INTS9: variants seen among roughly 807,000 people sequenced by gnomAD.
INTS9 encodes integrator complex subunit 9, also known as protein related to CPSF subunits of 74 kDa.
Under a neutral mutation model 79.7 loss-of-function variants are expected in INTS9, and 55 were observed. That is an observed-to-expected ratio of 0.69 (90% CI 0.56 to 0.86). The LOEUF is 0.86. Ranked by LOEUF, INTS9 falls within the 40% of genes least tolerant of loss-of-function variation. The probability of loss-of-function intolerance (pLI) is 0.00; values close to 1 mark genes in which losing one functional copy is unlikely to be tolerated. For missense variants in INTS9, 721 were observed against 831.5 expected, an observed-to-expected ratio of 0.87 and a Z score of 1.64; for synonymous variants, 319 against 325.2, an observed-to-expected ratio of 0.98 and a Z score of 0.20.
chr8:28,769,028 G>A (rs190162640), intron 16 of INTS9, among the ~76,000 whole-genome samples: 1 of 152,298 alleles, frequency 6.6e-6, no homozygotes, highest in Admixed American at 6.5e-5. Flanking sequence ...TCCAGCTTGA[G>A]GCCCATTAAC....
In INTS9 at chr8:28,796,566, C is replaced by T. The variant is rs1280587375; in HGVS notation, c.834G>A (p.Val278=). The change falls in exon 9 of 17, where the codon GTG becomes GTA. Residue 278 remains valine (V), a synonymous_variant. Coordinates refer to ENST00000521022, the MANE Select transcript of INTS9 (RefSeq NM_018250.4). ...QIPTANPDGM[V]GEFCSNLALT... Reference sequence around the variant, plus strand: ...CACCTAGGTTGCTGCAGAACTCTCCCACCATTCCATCTGGGTTTGCAGTGG... The same window carrying T: ...CACCTAGGTTGCTGCAGAACTCTCCTACCATTCCATCTGGGTTTGCAGTGG... 1.9e-6 allele frequency: 3 copies of T among 1,612,348 alleles called. No individual in the cohort carries two copies. The highest frequency in any genetic ancestry group is 1.7e-5 in the Admixed American group (1 of 60,026).
intron 1 of INTS9, among the ~76,000 whole-genome samples, chr8:28,886,816 T>A (rs1017577656): frequency 5.3e-5 from 8 of 152,220 alleles, no homozygotes; most frequent in African/African-American, 1.9e-4. Flanking sequence ...TACTGTCACC[T>A]GGATCAAAGG....
intron 8 of INTS9, among the ~76,000 whole-genome samples, chr8:28,800,722 T>C (rs1481138587): frequency 6.6e-6 from 1 of 152,212 alleles, no homozygotes; most frequent in African/African-American, 2.4e-5. Flanking sequence ...CCCCCTATTA[T>C]AACATCTGTA....
At chr8:28,874,676 TAA>T (rs1270124284) in intron 1 of INTS9, among the ~76,000 whole-genome samples, 1 of 152,168 alleles carries the variant, frequency 6.6e-6, no homozygotes, top group Non-Finnish European at 1.5e-5. Context: ...TCTAAACCAC[TAA>T]GTCTTGTAGT....
intron 8 of INTS9, among the ~76,000 whole-genome samples, chr8:28,801,353 G>A (rs919818845): frequency 4.6e-5 from 7 of 152,020 alleles, no homozygotes; most frequent in Non-Finnish European, 8.8e-5. Flanking sequence ...AGCCTGGCAT[G>A]GTGGTGTGCG....
chr8:28,878,715 C>T (rs1563316437), intron 1 of INTS9, among the ~76,000 whole-genome samples: 1 of 151,258 alleles, frequency 6.6e-6, no homozygotes, highest in Non-Finnish European at 1.5e-5. Context: ...CGGTGGCTCA[C>T]GCCTATAATC....
chr8:28,870,697 G>A (rs1400177370), intron 1 of INTS9, among the ~76,000 whole-genome samples: 2 of 152,188 alleles, frequency 1.3e-5, no homozygotes, highest in Admixed American at 6.5e-5. Flanking sequence ...ATAAAGCATA[G>A]AGCAGAAATA....
chr8:28,817,514 A>G (rs1805563031), intron 6 of INTS9, among the ~76,000 whole-genome samples: 1 of 152,132 alleles, frequency 6.6e-6, no homozygotes. Context: ...ATTGATCTAT[A>G]TCTCTGTTTT....
chr8:28,881,737 C>T (rs1214967730), intron 1 of INTS9, among the ~76,000 whole-genome samples: 31 of 136,246 alleles, frequency 2.3e-4, no homozygotes, highest in Middle Eastern at 3.9e-3. Context: ...CCGGCCGCCC[C>T]GTCCGGGAGG....
At chr8:28,801,196 A>G (rs1366819814) in intron 8 of INTS9, among the ~76,000 whole-genome samples, 4 of 152,248 alleles carry the variant, frequency 2.6e-5, no homozygotes, top group African/African-American at 9.6e-5. Context: ...AGTTCTTAAA[A>G]ATTTGATTCG....
intron 6 of INTS9, among the ~76,000 whole-genome samples, chr8:28,827,578 G>GT (rs1806226377): frequency 6.6e-6 from 1 of 152,142 alleles, no homozygotes; most frequent in South Asian, 2.1e-4. Context: ...GGGGGCTAGG[G>GT]TAGACTGGGC....
intron 1 of INTS9, among the ~76,000 whole-genome samples, chr8:28,874,008 G>A (rs756245991): frequency 4.6e-5 from 7 of 152,164 alleles, no homozygotes; most frequent in South Asian, 2.1e-4. Context: ...TACTGCTTCC[G>A]AGGTCTTCTG....
At chr8:28,863,005 G>A (rs935827644) in intron 1 of INTS9, among the ~76,000 whole-genome samples, 1 of 152,168 alleles carries the variant, frequency 6.6e-6, no homozygotes, top group Non-Finnish European at 1.5e-5. Context: ...GTTGCTGGGA[G>A]GACTAAATGA....
chr8:28,823,807 T>C (rs981868641), intron 6 of INTS9, among the ~76,000 whole-genome samples: 26 of 152,194 alleles, frequency 1.7e-4, no homozygotes, highest in African/African-American at 6.3e-4. Context: ...ATAATCCTAA[T>C]AATCTTATAT....
intron 1 of INTS9, among the ~76,000 whole-genome samples, chr8:28,867,766 GTTC>G (rs1171054328): frequency 6.7e-6 from 1 of 149,220 alleles, no homozygotes; most frequent in African/African-American, 2.5e-5. Context: ...CATCATCTAT[GTTC>G]TTTTCTCTAG....
intron 6 of INTS9, among the ~76,000 whole-genome samples, chr8:28,816,069 A>G (rs1805453456): frequency 6.6e-6 from 1 of 152,140 alleles, no homozygotes. Flanking sequence ...ATGAGAACAT[A>G]TTTAAGATAC....
chr8:28,838,443 G>T (rs899197464), intron 4 of INTS9, among the ~76,000 whole-genome samples: 5 of 151,928 alleles, frequency 3.3e-5, no homozygotes, highest in African/African-American at 1.2e-4. Context: ...TGAGGGAAAA[G>T]GCTATCCAAG....
At chr8:28,849,953 A>G (rs1807736022) in intron 3 of INTS9, 2 of 342,484 alleles carry the variant, frequency 5.8e-6, no homozygotes. Flanking sequence ...TTCTGTGGTG[A>G]TAAAAGGTAT....
rs138901254 is a variant in INTS9 at position 28,793,917 on chromosome 8, C to A, written c.927G>T (p.Leu309=). ...AGTCGATGTACTGATATAGGCACTC[C>A]AGGAGGTCATAGATCACTCCAGAAG... is the stretch of plus-strand genomic sequence containing the variant. ...CYPSGVIYDL[L]ECLYQYIDSA... Residue 309 remains leucine, a synonymous_variant, in exon 10 of 17, where the codon CTG becomes CTT. Coordinates refer to ENST00000521022, the MANE Select transcript of INTS9 (RefSeq NM_018250.4). The A allele has an allele frequency of 3.5e-5, 56 of 1,613,884 alleles. No individual in the cohort carries two copies. In the Middle Eastern group the frequency reaches 4.9e-4, roughly 14 times the overall value.
Sources: gnomAD v4.1 joint callset for allele counts (sites outside exome capture counted in the v4.1 genomes callset) on GRCh38, gnomAD v4.1.1 for gene constraint, MANE v1.5 for transcripts, NCBI Gene and HGNC (gene_info 2026-07-23, HGNC 2026-07-21) for gene names.